Variants in FARP1 observed in about 807,000 individuals in gnomAD.
FARP1 encodes the protein FERM, ARHGEF and pleckstrin domain-containing protein 1.
A neutral mutation model predicts 128.8 loss-of-function variants in FARP1; 52 were observed. The observed-to-expected ratio is 0.40, with a 90% CI of 0.32 to 0.51. FARP1 has a LOEUF of 0.51. FARP1 is among the 20% of genes least tolerant of loss of function. The probability of loss-of-function intolerance (pLI) is 0.45; values close to 1 mark genes in which losing one functional copy is unlikely to be tolerated. For missense variants in FARP1, 1,333 were observed against 1,367.9 expected, an observed-to-expected ratio of 0.97 and a Z score of 0.40; for synonymous variants, 580 against 551.8, an observed-to-expected ratio of 1.05 and a Z score of -0.72.
chr13:98,316,007 C>T (rs878898309), intron 2 of FARP1, among the ~76,000 whole-genome samples: 10 of 152,296 alleles, frequency 6.6e-5, no homozygotes, highest in Admixed American at 3.9e-4. Context: ...CACTGAAGTG[C>T]GGCTTATGTC....
At chr13:98,167,751 T>C (rs1050819190) in intron 1 of FARP1, among the ~76,000 whole-genome samples, 3 of 152,214 alleles carry the variant, frequency 2.0e-5, no homozygotes, top group Non-Finnish European at 4.4e-5. Context: ...TCTAGAACTT[T>C]ATGATTCATT....
chr13:98,221,550 C>T (rs1238772250), intron 2 of FARP1, among the ~76,000 whole-genome samples: 1 of 152,160 alleles, frequency 6.6e-6, no homozygotes, highest in Non-Finnish European at 1.5e-5. Flanking sequence ...CTGCCAAGCT[C>T]GTTTACTGCG....
At chr13:98,330,519 C>T (rs532256786) in intron 2 of FARP1, among the ~76,000 whole-genome samples, 2 of 152,216 alleles carry the variant, frequency 1.3e-5, no homozygotes, top group African/African-American at 4.8e-5. Flanking sequence ...CTTTGGGAGG[C>T]CGAGGCAGGT....
At chr13:98,389,541 G>C (rs1056543394) in intron 9 of FARP1, 2 of 155,924 alleles carry the variant, frequency 1.3e-5, no homozygotes, top group African/African-American at 4.8e-5. Flanking sequence ...AACGACGTAA[G>C]AGCCAACATT....
chr13:98,309,375 T>C, intron 2 of FARP1, among the ~76,000 whole-genome samples: 1 of 150,894 alleles, frequency 6.6e-6, no homozygotes, highest in Non-Finnish European at 1.5e-5. Flanking sequence ...TTCACCGTGT[T>C]AGCCAGGATG....
intron 1 of FARP1, among the ~76,000 whole-genome samples, chr13:98,159,138 C>G (rs1219066132): frequency 6.6e-6 from 1 of 152,192 alleles, no homozygotes; most frequent in Non-Finnish European, 1.5e-5. Flanking sequence ...TCTGGCCCAT[C>G]CTTGGAATCG....
chr13:98,414,183 T>A (rs1891293635), intron 16 of FARP1, among the ~76,000 whole-genome samples: 1 of 152,232 alleles, frequency 6.6e-6, no homozygotes, highest in East Asian at 1.9e-4. Context: ...TATAATTTGA[T>A]TCCCAGAGGG....
At chr13:98,399,025 G>A (rs1320340448) in intron 13 of FARP1, 1 of 152,162 alleles carries the variant, frequency 6.6e-6, no homozygotes, top group South Asian at 2.1e-4. Context: ...ACTCAGTTGT[G>A]TATTGATGAG....
rs144601096 is a variant in FARP1 at position 98,175,058 on chromosome 13, G to A, written c.-24+31566G>A. ...CTCTGCCGCAGTTGCTTGCATAGCC[G>A]ACTGCTAGGTAGCTTGGTTTGACTG... On this transcript the variant is annotated intron_variant, in intron 1 of 26. Coordinates refer to ENST00000319562, the MANE Select transcript of FARP1 (RefSeq NM_005766.4). 5.2e-3 allele frequency among the ~76,000 whole-genome samples: 790 copies of A among 152,280 alleles called. 13 individuals are homozygous for A. The highest frequency in any genetic ancestry group is 0.018 in the African/African-American group (767 of 41,560).
intron 2 of FARP1, among the ~76,000 whole-genome samples, chr13:98,286,548 A>G (rs546097506): frequency 6.6e-6 from 1 of 152,240 alleles, no homozygotes; most frequent in East Asian, 1.9e-4. Flanking sequence ...GCCATGTGAG[A>G]CATACCTTTC....
intron 2 of FARP1, among the ~76,000 whole-genome samples, chr13:98,293,142 G>A (rs1040413808): frequency 6.6e-6 from 1 of 152,132 alleles, no homozygotes; most frequent in Non-Finnish European, 1.5e-5. Context: ...AATGGTGGAT[G>A]ACTGACATTG....
intron 2 of FARP1, among the ~76,000 whole-genome samples, chr13:98,257,523 A>G (rs1174650833): frequency 6.6e-6 from 1 of 152,198 alleles, no homozygotes; most frequent in Middle Eastern, 3.2e-3. Flanking sequence ...CTGTAATCCC[A>G]GCACTTTGGG....
At chr13:98,149,185 G>A (rs1392592488) in intron 1 of FARP1, among the ~76,000 whole-genome samples, 2 of 152,116 alleles carry the variant, frequency 1.3e-5, no homozygotes, top group African/African-American at 4.8e-5. Flanking sequence ...GCCATGCCTG[G>A]CTCTCCTTTA....
intron 2 of FARP1, among the ~76,000 whole-genome samples, chr13:98,342,304 C>T (rs551334737): frequency 6.6e-6 from 1 of 152,194 alleles, no homozygotes; most frequent in African/African-American, 2.4e-5. Context: ...ATTTATAACA[C>T]CTGTATTCAT....
intron 16 of FARP1, among the ~76,000 whole-genome samples, chr13:98,416,655 T>A (rs1372931535): frequency 2.0e-5 from 3 of 152,046 alleles, no homozygotes. Context: ...TTCAAATGAG[T>A]TCAGAGAAAG....
intron 5 of FARP1, among the ~76,000 whole-genome samples, chr13:98,373,533 GACACACACACACACACACACACAC>G (rs58658962): frequency 1.5e-5 from 2 of 130,984 alleles, no homozygotes; most frequent in Non-Finnish European, 3.2e-5. Flanking sequence ...CAGACAGACA[GACACACACACACACACACACACAC>G]ACACACACAC....
intron 2 of FARP1, among the ~76,000 whole-genome samples, chr13:98,289,920 A>G (rs1430205880): frequency 6.6e-6 from 1 of 152,182 alleles, no homozygotes; most frequent in Non-Finnish European, 1.5e-5. Context: ...TTGTCCTGGA[A>G]ATACCTGGGT....
At position 98,395,539 on chromosome 13, in the gene FARP1, G is replaced by A. The variant is rs772273115; in HGVS notation, c.1414+63G>A. 1.2e-3 allele frequency: 1,827 copies of A among 1,500,082 alleles called. 2 individuals are homozygous for A. Among genetic ancestry groups the A allele is most frequent in the Non-Finnish European group, 1.5e-3 (1,694 of 1,119,134 alleles). The allele number at this position is 1,500,082 out of a possible 1,614,324, so 92.9% of individuals were successfully genotyped here. On this transcript the variant is annotated intron_variant, in intron 13 of 26. Coordinates refer to ENST00000319562, the MANE Select transcript of FARP1 (RefSeq NM_005766.4). Reference sequence around the variant, plus strand: ...CATTCCTTTCATTGACTGCAGTGACGTAGATAGCGAATACGACCTTCTTAG... The same window carrying A: ...CATTCCTTTCATTGACTGCAGTGACATAGATAGCGAATACGACCTTCTTAG...
chr13:98,152,561 G>A (rs1260867274), intron 1 of FARP1, among the ~76,000 whole-genome samples: 2 of 152,118 alleles, frequency 1.3e-5, no homozygotes, highest in African/African-American at 2.4e-5. Context: ...TAGATCTTGC[G>A]CACCTGGAGC....
Sources: allele counts gnomAD v4.1 joint callset (sites outside exome capture counted in the v4.1 genomes callset), GRCh38; gene constraint gnomAD v4.1.1; transcripts MANE v1.5; gene names NCBI Gene and HGNC (gene_info 2026-07-23, HGNC 2026-07-21).